CDK17: variants seen among roughly 807,000 people sequenced by gnomAD.
CDK17 encodes the protein cyclin dependent kinase 17.
A neutral mutation model predicts 77.6 loss-of-function variants in CDK17; 24 were observed. The observed-to-expected ratio is 0.31, with a 90% confidence interval of 0.22 to 0.44. CDK17 has a LOEUF of 0.44. CDK17 is among the 20% of genes least tolerant of loss of function. The pLI is 1.00. For missense variants in CDK17, 429 were observed against 622.5 expected (o/e 0.69, Z 3.31); for synonymous variants, 203 against 210.4 (o/e 0.96, Z 0.30).
Position 96,297,279 on chromosome 12 carries a change from G to A in CDK17, c.864C>T (p.His288=), listed in dbSNP as rs766700319. The A allele has an allele frequency of 2.5e-6, 4 of 1,607,758 alleles. No homozygotes were observed. In the African/African-American group the frequency reaches 4.0e-5, roughly 16 times the overall value. The change falls in exon 9 of 17, where the codon CAC becomes CAT. Residue 288 remains histidine, a synonymous_variant. Coordinates refer to ENST00000261211, the MANE Select transcript of CDK17 (RefSeq NM_002595.5). ...MDDCGNIMSM[H]NVKLFLYQIL... is the part of the protein sequence containing the mutation. ...ACGCAAGAAAACATACCTTTACGTT[G>A]TGCATACTCATGATGTTTCCACAGT...
chr12:96,322,316 T>C (rs774348447), intron 3 of CDK17, among the ~76,000 whole-genome samples: 3 of 152,240 alleles, frequency 2.0e-5, no homozygotes, highest in Non-Finnish European at 4.4e-5. Flanking sequence ...ACTAACATTT[T>C]CAATACACTG....
chr12:96,355,621 T>C (rs553543085), intron 1 of CDK17, among the ~76,000 whole-genome samples: 1 of 152,218 alleles, frequency 6.6e-6, no homozygotes, highest in Admixed American at 6.5e-5. Context: ...TTGGCGAGGA[T>C]GGTCTCCGCC....
chr12:96,309,449 T>C (rs988989635), intron 5 of CDK17, among the ~76,000 whole-genome samples: 10 of 152,218 alleles, frequency 6.6e-5, no homozygotes, highest in African/African-American at 2.4e-4. Context: ...CCAAAAGAGA[T>C]TCTCACATAA....
intron 1 of CDK17, among the ~76,000 whole-genome samples, chr12:96,337,957 T>A (rs930785245): frequency 2.6e-5 from 4 of 152,064 alleles, no homozygotes. Flanking sequence ...CTGATAAGAG[T>A]GTCTCTACAT....
At chr12:96,399,763 C>T (rs982731934) in intron 1 of CDK17, among the ~76,000 whole-genome samples, 1 of 152,110 alleles carries the variant, frequency 6.6e-6, no homozygotes, top group Non-Finnish European at 1.5e-5. Flanking sequence ...CCACCCGAGC[C>T]CCGGAAATCC....
chr12:96,379,898 G>A (rs949746630), intron 1 of CDK17, among the ~76,000 whole-genome samples: 4 of 152,108 alleles, frequency 2.6e-5, no homozygotes, highest in Non-Finnish European at 5.9e-5. Flanking sequence ...CCTGGGCGCT[G>A]TAGCTAACAT....
At chr12:96,348,384 C>T (rs149543639) in intron 1 of CDK17, among the ~76,000 whole-genome samples, 15 of 151,668 alleles carry the variant, frequency 9.9e-5, no homozygotes, top group African/African-American at 3.4e-4. Flanking sequence ...ATTAGCTGGA[C>T]GTCAAGGCAA....
chr12:96,334,633 T>C lies in CDK17; in HGVS notation c.118+86A>G, dbSNP rs570170872. Reference sequence around the variant, plus strand: ...ACAGAAATAAACAAAGGGAAGCTATTATGAACTTATCTAAAAAGTAAATTT... The same window carrying C: ...ACAGAAATAAACAAAGGGAAGCTATCATGAACTTATCTAAAAAGTAAATTT... On this transcript the variant is annotated intron_variant, in intron 2 of 16. Coordinates refer to ENST00000261211, the MANE Select transcript of CDK17 (RefSeq NM_002595.5). 231 of 731,408 alleles carry C rather than the reference T, an allele frequency of 3.2e-4. No individual in the cohort carries two copies. The African/African-American group carries it at 3.3e-3, about 10-fold the overall frequency. 45.3% of individuals were successfully genotyped at this position (731,408 alleles called of 1,614,324 possible). A position where few individuals can be genotyped will look rare whatever the true frequency, so the allele number is the denominator to read the frequency against.
At chr12:96,333,736 G>A (rs2137141438) in intron 2 of CDK17, among the ~76,000 whole-genome samples, 1 of 151,894 alleles carries the variant, frequency 6.6e-6, no homozygotes, top group Non-Finnish European at 1.5e-5. Flanking sequence ...AAGGGTCCTT[G>A]CAGAACAGTA....
intron 3 of CDK17, among the ~76,000 whole-genome samples, chr12:96,315,288 C>G (rs1952695732): frequency 6.6e-6 from 1 of 152,154 alleles, no homozygotes; most frequent in Non-Finnish European, 1.5e-5. Context: ...TTAAAACTCA[C>G]TTTATGTCTG....
chr12:96,391,034 C>T (rs1320392804), intron 1 of CDK17, among the ~76,000 whole-genome samples: 1 of 150,100 alleles, frequency 6.7e-6, no homozygotes, highest in Admixed American at 6.6e-5. Context: ...TTGTAGTGAG[C>T]TGAGATTGCA....
At chr12:96,345,100 T>A (rs1405263718) in intron 1 of CDK17, among the ~76,000 whole-genome samples, 1 of 152,238 alleles carries the variant, frequency 6.6e-6, no homozygotes, top group East Asian at 1.9e-4. Context: ...GTTTCTGTGT[T>A]AGTTTGCTGA....
At chr12:96,390,708 C>CAAAAAAAA (rs71097285) in intron 1 of CDK17, among the ~76,000 whole-genome samples, 6 of 43,530 alleles carry the variant, frequency 1.4e-4, no homozygotes, top group Non-Finnish European at 2.1e-4. Flanking sequence ...GACTCCATCT[C>CAAAAAAAA]AAAAAAAAAA....
At position 96,316,688 on chromosome 12, in the gene CDK17, C is replaced by T. The variant is rs1293802326; in HGVS notation, c.284-3234G>A. Among the ~76,000 whole-genome samples, 7 of 127,064 alleles carry T rather than the reference C, an allele frequency of 5.5e-5. 1 individual carries two copies. Among genetic ancestry groups the T allele is most frequent in the Non-Finnish European group, 8.4e-5 (5 of 59,612 alleles). The allele number at this position is 127,064 out of a possible 152,430, so 83.4% of individuals were successfully genotyped here. On this transcript the variant is annotated intron_variant, in intron 3 of 16. Coordinates refer to ENST00000261211, the MANE Select transcript of CDK17 (RefSeq NM_002595.5). ...AGCCTAACTGTGAGGCACCCCCCAGCAGGGGCACACTGACACCTCACACGG... is the reference window on the plus strand; with the variant it reads ...AGCCTAACTGTGAGGCACCCCCCAGTAGGGGCACACTGACACCTCACACGG...
chr12:96,298,035 A>G (rs1378981675), intron 7 of CDK17, among the ~76,000 whole-genome samples: 1 of 152,102 alleles, frequency 6.6e-6, no homozygotes, highest in African/African-American at 2.4e-5. Flanking sequence ...TCATGCCTGT[A>G]ATCCCAGCAC....
chr12:96,358,525 A>G (rs965903040), intron 1 of CDK17, among the ~76,000 whole-genome samples: 3 of 152,148 alleles, frequency 2.0e-5, no homozygotes, highest in Admixed American at 2.0e-4. Flanking sequence ...TATTTTAATA[A>G]TAAAAAGGAT....
At chr12:96,307,347 T>G (rs1158465728) in intron 5 of CDK17, among the ~76,000 whole-genome samples, 1 of 152,068 alleles carries the variant, frequency 6.6e-6, no homozygotes, top group Non-Finnish European at 1.5e-5. Context: ...AATAAAAACT[T>G]TAATCACTTA....
chr12:96,306,649 C>T (rs749837486), intron 5 of CDK17, among the ~76,000 whole-genome samples: 4 of 152,034 alleles, frequency 2.6e-5, no homozygotes, highest in Non-Finnish European at 4.4e-5. Flanking sequence ...AACCAAGGGT[C>T]CAGACTTCTA....
At chr12:96,298,322 C>A (rs1425565518) in intron 7 of CDK17, among the ~76,000 whole-genome samples, 3 of 151,216 alleles carry the variant, frequency 2.0e-5, no homozygotes, top group African/African-American at 7.3e-5. Context: ...TCAATTTTTT[C>A]TTTTATACTA....
Sources: gnomAD v4.1 joint callset for allele counts (sites outside exome capture counted in the v4.1 genomes callset) on GRCh38, gnomAD v4.1.1 for gene constraint, MANE v1.5 for transcripts, NCBI Gene and HGNC (gene_info 2026-07-23, HGNC 2026-07-21) for gene names.